PAQR5: variants seen among roughly 807,000 people sequenced by gnomAD.
PAQR5 encodes the protein membrane progestin receptor gamma.
PAQR5 carries 20 observed loss-of-function variants against 34.5 expected under a neutral mutation model. The observed-to-expected ratio is 0.58, with a 90% CI of 0.41 to 0.84. The LOEUF (loss-of-function observed/expected upper bound fraction) is 0.84, where lower values mean the gene tolerates loss of function less well. PAQR5 is among the 40% of genes least tolerant of loss of function. The pLI, the probability that PAQR5 is intolerant of heterozygous loss-of-function variation, is 0.00. For synonymous variants in PAQR5, 131 were observed against 155.6 expected (o/e 0.84, Z 1.18); for missense variants, 378 against 412.7 (o/e 0.92, Z 0.73).
intron 1 of PAQR5, among the ~76,000 whole-genome samples, chr15:69,308,475 G>A (rs146014557): frequency 2.6e-5 from 4 of 152,108 alleles, no homozygotes; most frequent in African/African-American, 9.7e-5. Flanking sequence ...TTTGTCGTGT[G>A]GGACTGTCCT....
At chr15:69,344,713 T>G (rs1268708012) in intron 2 of PAQR5, among the ~76,000 whole-genome samples, 7 of 152,336 alleles carry the variant, frequency 4.6e-5, no homozygotes, top group Non-Finnish European at 1.0e-4. Context: ...GTAAGAGTAT[T>G]TTTCAAGTAA....
intron 1 of PAQR5, among the ~76,000 whole-genome samples, chr15:69,331,284 G>A (rs1054122264): frequency 2.0e-5 from 3 of 152,124 alleles, no homozygotes; most frequent in Admixed American, 6.5e-5. Flanking sequence ...TAGCCCCATT[G>A]CAGGGTGTCT....
intron 3 of PAQR5, among the ~76,000 whole-genome samples, chr15:69,365,690 G>A (rs866106520): frequency 6.6e-6 from 1 of 152,114 alleles, no homozygotes; most frequent in Non-Finnish European, 1.5e-5. Flanking sequence ...TTCAGGTTAC[G>A]CCAACCACAA....
At chr15:69,361,176 C>G (rs973905395) in intron 3 of PAQR5, among the ~76,000 whole-genome samples, 1 of 152,220 alleles carries the variant, frequency 6.6e-6, no homozygotes, top group African/African-American at 2.4e-5. Flanking sequence ...TTTTGGTGCA[C>G]TTTGCTGGTT....
chr15:69,321,054 T>C (rs546078283), intron 1 of PAQR5, among the ~76,000 whole-genome samples: 1 of 152,368 alleles, frequency 6.6e-6, no homozygotes, highest in Non-Finnish European at 1.5e-5. Flanking sequence ...GATTTGCCTT[T>C]GAGTTCTTTG....
intron 3 of PAQR5, among the ~76,000 whole-genome samples, chr15:69,363,180 C>T (rs533796655): frequency 2.0e-5 from 3 of 152,330 alleles, no homozygotes; most frequent in South Asian, 4.1e-4. Context: ...GAATGGTGTG[C>T]CCACCTCTCT....
In PAQR5 at chr15:69,346,000, G is replaced by C. The variant is rs568612769; in HGVS notation, c.-116+8499G>C. On this transcript the variant is annotated intron_variant, in intron 2 of 8. Transcript: ENST00000395407. Reference sequence around the variant, plus strand: ...AACACAAATACACTGTTAAAACATTGGCAGAGCTTTACAGTTATGTTTTGA... The same window carrying C: ...AACACAAATACACTGTTAAAACATTCGCAGAGCTTTACAGTTATGTTTTGA... 9.9e-5 allele frequency among the ~76,000 whole-genome samples: 15 copies of C among 152,268 alleles called. No homozygotes were observed. The South Asian group carries it at 2.9e-3, about 29-fold the overall frequency.
intron 6 of PAQR5, among the ~76,000 whole-genome samples, chr15:69,395,591 G>A (rs1479739637): frequency 6.6e-6 from 1 of 152,196 alleles, no homozygotes; most frequent in African/African-American, 2.4e-5. Flanking sequence ...ACGAGGCTGT[G>A]ACAAGGCACA....
chr15:69,321,372 A>G (rs1050504237), intron 1 of PAQR5, among the ~76,000 whole-genome samples: 2 of 152,006 alleles, frequency 1.3e-5, no homozygotes, highest in African/African-American at 4.8e-5. Flanking sequence ...TTTTATCTAT[A>G]CTCTTACCCA....
chr15:69,326,537 G>T (rs2054255825), intron 1 of PAQR5, among the ~76,000 whole-genome samples: 2 of 151,246 alleles, frequency 1.3e-5, no homozygotes, highest in South Asian at 4.2e-4. Flanking sequence ...CCAGGTTCAA[G>T]CAATTCTCCC....
intron 8 of PAQR5, among the ~76,000 whole-genome samples, chr15:69,402,483 A>G (rs1481194837): frequency 6.6e-6 from 1 of 151,810 alleles, no homozygotes; most frequent in African/African-American, 2.4e-5. Context: ...ATGCCCGGCT[A>G]ATTTTTGTAT....
intron 1 of PAQR5, among the ~76,000 whole-genome samples, chr15:69,331,267 G>C (rs561305870): frequency 6.8e-4 from 104 of 152,096 alleles, no homozygotes; most frequent in Non-Finnish European, 5.3e-4. Flanking sequence ...GGGGTGTCTT[G>C]TGTCTGTAGC....
intron 3 of PAQR5, among the ~76,000 whole-genome samples, chr15:69,372,609 A>T (rs942707473): frequency 2.0e-5 from 3 of 152,216 alleles, no homozygotes; most frequent in Non-Finnish European, 4.4e-5. Flanking sequence ...TTATTTTTTG[A>T]AAACCATCAC....
At chr15:69,368,112 G>A (rs2055451740) in intron 3 of PAQR5, among the ~76,000 whole-genome samples, 1 of 151,894 alleles carries the variant, frequency 6.6e-6, no homozygotes, top group South Asian at 2.1e-4. Context: ...GCAGTGCAGT[G>A]GCACTATCTT....
chr15:69,316,722 A>C (rs955727940), intron 1 of PAQR5, among the ~76,000 whole-genome samples: 2 of 152,200 alleles, frequency 1.3e-5, no homozygotes, highest in Non-Finnish European at 2.9e-5. Flanking sequence ...CTAATGCTTG[A>C]AACACCCCAA....
intron 3 of PAQR5, among the ~76,000 whole-genome samples, chr15:69,375,117 T>C (rs2055670795): frequency 1.3e-5 from 2 of 152,060 alleles, no homozygotes; most frequent in African/African-American, 4.8e-5. Context: ...ACAGACTGAG[T>C]GGTCTAAACA....
intron 4 of PAQR5, 129 bp downstream of exon 4, chr15:69,380,139 C>T (rs762739853): frequency 9.1e-5 from 90 of 993,166 alleles, no homozygotes; most frequent in Middle Eastern, 2.2e-4. Flanking sequence ...CGTGGGTACA[C>T]GCGGGTGAAG....
chr15:69,403,887 C>T lies in PAQR5; in HGVS notation c.*65C>T. 6.4e-7 allele frequency: 1 copy of T among 1,564,656 alleles called. No individual in the cohort carries two copies. Among genetic ancestry groups the T allele is most frequent in the Non-Finnish European group, 8.7e-7 (1 of 1,153,446 alleles). On this transcript the variant is annotated 3_prime_UTR_variant, in exon 9 of 9. Coordinates refer to ENST00000395407, the MANE Select transcript of PAQR5 (RefSeq NM_017705.4). The stretch of plus-strand genomic sequence containing the variant: ...GCTGCAACATCCTAACCACCATAAG[C>T]CGGAGGTGGTTACAGCTTATCATGG...
rs1055390678 is a variant in PAQR5, at chr15:69,339,586, C to T, written c.-116+2085C>T. Among the ~76,000 whole-genome samples the T allele has an allele frequency of 3.9e-5, 6 of 152,258 alleles. No individual in the cohort carries two copies. The East Asian group carries it at 9.6e-4, about 24-fold the overall frequency. On this transcript the variant is annotated intron_variant, in intron 2 of 8. Coordinates refer to ENST00000395407, the MANE Select transcript of PAQR5 (RefSeq NM_017705.4). ...CTCCCAGGTTCAAGCAATTCTCATG[C>T]CTCAGCTTCCCAAGTAACTGGGACC...
Sources: allele counts gnomAD v4.1 joint callset (sites outside exome capture counted in the v4.1 genomes callset), GRCh38; gene constraint gnomAD v4.1.1; transcripts MANE v1.5; gene names NCBI Gene and HGNC (gene_info 2026-07-23, HGNC 2026-07-21).